ARSA: variants seen among roughly 807,000 people sequenced by gnomAD.
The protein encoded by ARSA is arylsulfatase A.
ARSA carries 32 observed loss-of-function variants against 37.8 expected under a neutral mutation model. The observed-to-expected ratio is 0.85, with a 90% CI of 0.64 to 1.14. ARSA has a LOEUF of 1.14. ARSA is among the 50% of genes most tolerant of loss of function. The pLI is 0.00. For synonymous variants in ARSA, 303 were observed against 303.4 expected (o/e 1.00, Z 0.01); for missense variants, 685 against 686.3 (o/e 1.00, Z 0.02).
rs997702399 is a variant in ARSA, at chr22:50,626,180, G to A, written c.953C>T (p.Ala318Val). The change falls in exon 5 of 8, where the codon GCC becomes GTC. Residue 318 changes from alanine to valine, a missense_variant. Ala to Val is a moderately conservative substitution (Grantham distance 64, BLOSUM62 0). Transcript: ENST00000216124. Reference protein sequence around the residue: ...YEGGVREPALAFWPGHIAPGV... With the variant: ...YEGGVREPALVFWPGHIAPGV... ...GGGAGCGATATGACCTGGCCAGAAG[G>A]CCAAGGCAGGCTCTCGGACACCGCC... 10 of 1,608,198 alleles carry A rather than the reference G, an allele frequency of 6.2e-6. No individual in the cohort carries two copies. Among genetic ancestry groups the A allele is most frequent in the Non-Finnish European group, 8.5e-6 (10 of 1,177,944 alleles).
At position 50,626,261 on chromosome 22, in the gene ARSA, A is replaced by G. The variant is rs2082666488; in HGVS notation, c.872T>C (p.Met291Thr). 1.2e-6 allele frequency: 2 copies of G among 1,613,244 alleles called. 1 individual carries two copies. The highest frequency in any genetic ancestry group is 2.2e-5 in the South Asian group (2 of 91,022). The change falls in exon 5 of 8, where the codon ATG becomes ACG. Residue 291 changes from methionine to threonine, a missense_variant. Physicochemically the swap from Met to Thr is moderately conservative, Grantham distance 81. Transcript: ENST00000216124. ...GAGACCGGAGCAGCCGCCTCGGGAC[A>G]TACGCATGGTCTCAGGTCTGGGACA... Reference protein sequence around the residue: ...TADNGPETMRMSRGGCSGLLR... With the variant: ...TADNGPETMRTSRGGCSGLLR...
rs1349278805 is a variant in ARSA, at chr22:50,626,582, C to A, written c.854+9G>T. On this transcript the variant is annotated intron_variant, in intron 4 of 7. Coordinates refer to ENST00000216124, the MANE Select transcript of ARSA (RefSeq NM_000487.6). ...AGGGCCGGAGCACCCAGCTGCCCTG[C>A]TGGCATACCCATTGTCTGCAGTGAA... The A allele has an allele frequency of 6.2e-7, 1 of 1,612,256 alleles. No homozygotes were observed. Among genetic ancestry groups the A allele is most frequent in the Non-Finnish European group, 8.5e-7 (1 of 1,180,022 alleles).
At chr22:50,626,813 G>C in intron 3 of ARSA, 21 bp downstream of exon 3, 1 of 1,611,438 alleles carries the variant, frequency 6.2e-7, no homozygotes, top group South Asian at 1.1e-5. Flanking sequence ...GCAGCCAGGG[G>C]GTTGGGCCAA....
Position 50,627,616 on chromosome 22 carries a change from G to A in ARSA, c.164C>T (p.Ala55Val), listed in dbSNP as rs757898966. ...SSTTPNLDQL[A>V]AGGLRFTDFY... The stretch of plus-strand genomic sequence containing the variant: ...GTCTGTGAACCGCAGCCCTCCCGCC[G>A]CCAGCTGGTCCAGGTTGGGAGTGGT... Residue 55 changes from alanine to valine, a missense_variant, in exon 1 of 8, where the codon GCG becomes GTG. Coordinates refer to ENST00000216124, the MANE Select transcript of ARSA (RefSeq NM_000487.6). The A allele has an allele frequency of 1.9e-6, 3 of 1,563,354 alleles. No individual in the cohort carries two copies. The highest frequency in any genetic ancestry group is 2.4e-5 in the East Asian group (1 of 42,242).
In ARSA at chr22:50,626,083, C is replaced by T. The variant is rs917732194; in HGVS notation, c.980-20G>A. 1.2e-5 allele frequency: 19 copies of T among 1,598,782 alleles called. 1 individual carries two copies. Among genetic ancestry groups the T allele is most frequent in the South Asian group, 4.5e-5 (4 of 88,292 alleles). ...TCACGCCTGGGGGCAGGAGGCTGGT[C>T]AGTCACTCAGTTCGCCATCAAGGTT... On this transcript the variant is annotated intron_variant, in intron 5 of 7. Coordinates refer to ENST00000216124, the MANE Select transcript of ARSA (RefSeq NM_000487.6).
intron 7 of ARSA, 37 bp from the exon 8 acceptor site, chr22:50,625,501 C>A: frequency 6.2e-7 from 1 of 1,604,460 alleles, no homozygotes; most frequent in Admixed American, 1.7e-5. Context: ...AGGGCAAGGG[C>A]GAGAGGAGGG....
Position 50,626,202 on chromosome 22 carries a change from C to T in ARSA, c.931G>A (p.Gly311Ser), listed in dbSNP as rs74315459. The T allele has an allele frequency of 1.2e-5, 20 of 1,611,886 alleles. No individual in the cohort carries two copies. Among genetic ancestry groups the T allele is most frequent in the South Asian group, 1.1e-4 (10 of 90,620 alleles). The change falls in exon 5 of 8, where the codon GGT becomes AGT. Residue 311 changes from glycine to serine, a missense_variant. Coordinates refer to ENST00000216124, the MANE Select transcript of ARSA (RefSeq NM_000487.6). ...RCGKGTTYEG[G>S]VREPALAFWP... ...AAGGCCAAGGCAGGCTCTCGGACAC[C>T]GCCCTCGTAGGTCGTTCCCTTTCCA...
rs146173768 is a variant in ARSA at position 50,626,860 on chromosome 22, G to A, written c.658C>T (p.Pro220Ser). The A allele has an allele frequency of 6.8e-6, 11 of 1,613,524 alleles. No individual in the cohort carries two copies. The highest frequency in any genetic ancestry group is 9.3e-6 in the Non-Finnish European group (11 of 1,179,808). The change falls in exon 3 of 8, where the codon CCC (proline) becomes TCC (serine). Residue 220 changes from proline (P) to serine (S), a missense_variant. Transcript: ENST00000216124. ...LMADAQRQDR[P>S]FFLYYASHHT... ...TGAGAGGCATAGTACAGGAAGAAGG[G>A]GCGATCCTGGCGCTGGGCGTCGGCC...
rs2082628584 is a variant in ARSA, at chr22:50,624,230, C to T, written c.*915G>A. On this transcript the variant is annotated 3_prime_UTR_variant, in exon 8 of 8. Transcript: ENST00000216124. Reference sequence around the variant, plus strand: ...GGGATTACAGGGATGCACCACTACACCTGGCTAATTTTGTATTTTTAGTAG... The same window carrying T: ...GGGATTACAGGGATGCACCACTACATCTGGCTAATTTTGTATTTTTAGTAG... Among the ~76,000 whole-genome samples the T allele has an allele frequency of 6.6e-6, 1 of 152,100 alleles. No homozygotes were observed. The highest frequency in any genetic ancestry group is 2.1e-4 in the South Asian group (1 of 4,834).
chr22:50,623,932 A>AAAAAAAC lies in ARSA; in HGVS notation c.*1206_*1212dup, dbSNP rs1569075543. 12 of 125,512 alleles carry AAAAAAAC rather than the reference A, an allele frequency of 9.6e-5. No individual in the cohort carries two copies. Among genetic ancestry groups the AAAAAAAC allele is most frequent in the African/African-American group, 3.0e-4 (10 of 33,364 alleles). The allele number at this position is 125,512 out of a possible 1,614,324, so 7.8% of individuals were successfully genotyped here. Reference sequence around the variant, plus strand: ...AAAAAAAAAAAAAAAAAAAAAAAAAAAAAAAACAAAAACAAATCTTTAGAG... The same window carrying AAAAAAAC: ...AAAAAAAAAAAAAAAAAAAAAAAAAAAAAAAACAAAAAACAAAAACAAATCTTTAGAG... On this transcript the variant is annotated 3_prime_UTR_variant, in exon 8 of 8. Transcript: ENST00000216124.
rs1171169235 is a variant in ARSA, at chr22:50,627,215, G to C, written c.416C>G (p.Pro139Arg). Residue 139 changes from proline (P) to arginine (R), a missense_variant, in exon 2 of 8, where the codon CCC becomes CGC. By Grantham distance (103) the Pro-to-Arg change is moderately radical. Coordinates refer to ENST00000216124, the MANE Select transcript of ARSA (RefSeq NM_000487.6). ...TAGAAATCGATGGAAGCCCTGATGGGGGGGCAGGAAGGCCCCCTCAGGCCC... is the reference window on the plus strand; with the variant it reads ...TAGAAATCGATGGAAGCCCTGATGGCGGGGCAGGAAGGCCCCCTCAGGCCC... Reference protein sequence around the residue: ...GVGPEGAFLPPHQGFHRFLGI... With the variant: ...GVGPEGAFLPRHQGFHRFLGI... 2 of 1,612,294 alleles carry C rather than the reference G, an allele frequency of 1.2e-6. No individual in the cohort carries two copies. The highest frequency in any genetic ancestry group is 1.3e-5 in the African/African-American group (1 of 74,906).
Position 50,625,308 on chromosome 22 carries a change from T to C in ARSA, c.1367A>G (p.Gln456Arg). 1 of 1,613,000 alleles carries C rather than the reference T, an allele frequency of 6.2e-7. No homozygotes were observed. Residue 456 changes from glutamine to arginine, a missense_variant, in exon 8 of 8, where the codon CAA becomes CGA. Transcript: ENST00000216124. ...GAGCAGCTGAAGCTGTTTCAGGGCT[T>C]GCAGCACCTCTGGGGTGGCCCCGGC... ...GVAGATPEVL[Q>R]ALKQLQLLKA... is the part of the protein sequence containing the mutation.
Position 50,627,599 on chromosome 22 carries a change from A to G in ARSA, c.181T>C (p.Phe61Leu), listed in dbSNP as rs1271780498. The change falls in exon 1 of 8, where the codon TTC becomes CTC. Residue 61 changes from phenylalanine (F) to leucine (L), a missense_variant. Coordinates refer to ENST00000216124, the MANE Select transcript of ARSA (RefSeq NM_000487.6). ...LDQLAAGGLR[F>L]TDFYVPVSLC... ...GACACAGGCACGTAGAAGTCTGTGAACCGCAGCCCTCCCGCCGCCAGCTGG... is the reference window on the plus strand; with the variant it reads ...GACACAGGCACGTAGAAGTCTGTGAGCCGCAGCCCTCCCGCCGCCAGCTGG... 2 of 1,563,316 alleles carry G rather than the reference A, an allele frequency of 1.3e-6. No homozygotes were observed. The highest frequency in any genetic ancestry group is 3.8e-5 in the Admixed American group (2 of 52,510).
chr22:50,627,710 T>C lies in ARSA; in HGVS notation c.70A>G (p.Asn24Asp), dbSNP rs1388306611. 2 of 1,554,880 alleles carry C rather than the reference T, an allele frequency of 1.3e-6. No individual in the cohort carries two copies. The highest frequency in any genetic ancestry group is 1.7e-6 in the Non-Finnish European group (2 of 1,149,266). The change falls in exon 1 of 8, where the codon AAC becomes GAC. Residue 24 changes from asparagine (N) to aspartate (D), a missense_variant. Transcript: ENST00000216124. ...AAGLAVARPP[N>D]IVLIFADDLG... is the part of the protein sequence containing the mutation. ...TCGTCGGCAAAGATCAGCACGATGT[T>C]GGGCGGACGGGCAACGGCCAGGCCA... is the stretch of plus-strand genomic sequence containing the variant.
In ARSA at chr22:50,625,074, C is replaced by G. The variant is rs1210082345; in HGVS notation, c.*71G>C. Reference sequence around the variant, plus strand: ...TTACGTTATCAGGCACAAACCCCCTCCAGACACCTGAGCCTCCCCCACAGG... The same window carrying G: ...TTACGTTATCAGGCACAAACCCCCTGCAGACACCTGAGCCTCCCCCACAGG... On this transcript the variant is annotated 3_prime_UTR_variant, in exon 8 of 8. Transcript: ENST00000216124. 7.0e-7 allele frequency: 1 copy of G among 1,436,846 alleles called. No homozygotes were observed. Among genetic ancestry groups the G allele is most frequent in the Non-Finnish European group, 9.1e-7 (1 of 1,094,968 alleles). The allele number at this position is 1,436,846 out of a possible 1,614,324, so 89.0% of individuals were successfully genotyped here.
In ARSA at chr22:50,627,394, C is replaced by T. The variant is rs775487397; in HGVS notation, c.237G>A (p.Leu79=). ...CCATCCGAACCGGGAGCCGGCCGGT[C>T]AGGAGGGCGGCCCTGCGGGACAAGT... ...SLCTPSRAAL[L]TGRLPVRMGM... is the part of the protein sequence containing the mutation. The change falls in exon 2 of 8, where the codon CTG becomes CTA. Residue 79 remains leucine, a synonymous_variant. Coordinates refer to ENST00000216124, the MANE Select transcript of ARSA (RefSeq NM_000487.6). The T allele has an allele frequency of 1.2e-5, 20 of 1,608,214 alleles. No homozygotes were observed. Among genetic ancestry groups the T allele is most frequent in the Non-Finnish European group, 8.5e-6 (10 of 1,179,194 alleles).
chr22:50,627,300 C>T lies in ARSA; in HGVS notation c.331G>A (p.Glu111Lys), dbSNP rs771400466. Residue 111 changes from glutamate to lysine, a missense_variant, in exon 2 of 8, where the codon GAA becomes AAA. Physicochemically the swap from Glu to Lys is moderately conservative, Grantham distance 56. Transcript: ENST00000216124. Reference protein sequence around the residue: ...GLPLEEVTVAEVLAARGYLTG... With the variant: ...GLPLEEVTVAKVLAARGYLTG... ...AGGTAGCCTCGGGCAGCCAGGACTT[C>T]GGCCACGGTCACCTCCTCCAGGGGC... 9 of 1,587,112 alleles carry T rather than the reference C, an allele frequency of 5.7e-6. No individual in the cohort carries two copies. Among genetic ancestry groups the T allele is most frequent in the South Asian group, 2.3e-5 (2 of 88,244 alleles).
chr22:50,627,084 T>G, intron 2 of ARSA, 32 bp from the exon 3 acceptor site: 1 of 1,596,708 alleles, frequency 6.3e-7, no homozygotes, highest in Non-Finnish European at 8.6e-7. Flanking sequence ...AGGGCTGGGC[T>G]GGCAGGTGGG....
Position 50,626,140 on chromosome 22 carries a change from G to A in ARSA, c.979+14C>T, listed in dbSNP as rs1283209636. On this transcript the variant is annotated intron_variant, in intron 5 of 7. Transcript: ENST00000216124. ...GTGGGGCCAGGGTTCCAAGGAGAGG[G>A]CCTGCGGACTGACCGGGAGCGATAT... 5 of 1,599,980 alleles carry A rather than the reference G, an allele frequency of 3.1e-6. No individual in the cohort carries two copies. The highest frequency in any genetic ancestry group is 4.3e-6 in the Non-Finnish European group (5 of 1,174,736).
Sources: gnomAD v4.1 joint callset for allele counts (sites outside exome capture counted in the v4.1 genomes callset) on GRCh38, gnomAD v4.1.1 for gene constraint, MANE v1.5 for transcripts, NCBI Gene and HGNC (gene_info 2026-07-23, HGNC 2026-07-21) for gene names.